MTMR7: variants seen among roughly 807,000 people sequenced by gnomAD.
MTMR7 encodes the protein myotubularin related protein 7, also known as phosphatidylinositol-3-phosphate phosphatase MTMR7.
In MTMR7, 76 loss-of-function variants were observed where a neutral mutation model predicts 81.2. The ratio of observed to expected loss-of-function variants is 0.94; its 90% CI spans 0.78 to 1.13. The LOEUF (loss-of-function observed/expected upper bound fraction) is 1.13, where lower values mean the gene tolerates loss of function less well. Ranked by LOEUF, MTMR7 falls within the 50% of genes most tolerant of loss-of-function variation. MTMR7 has a pLI of 0.00. For synonymous variants in MTMR7, 372 were observed against 289.8 expected, an observed-to-expected ratio of 1.28 and a Z score of -2.88; for missense variants, 1,044 against 820.0, an observed-to-expected ratio of 1.27 and a Z score of -3.34.
At chr8:17,380,369 A>G (rs1820722044) in intron 1 of MTMR7, among the ~76,000 whole-genome samples, 1 of 152,204 alleles carries the variant, frequency 6.6e-6, no homozygotes, top group African/African-American at 2.4e-5. Flanking sequence ...CCCCTGAATT[A>G]TAGGTTCTTG....
chr8:17,366,252 T>A (rs992103001), intron 3 of MTMR7, among the ~76,000 whole-genome samples: 3 of 151,944 alleles, frequency 2.0e-5, no homozygotes, highest in African/African-American at 7.3e-5. Context: ...AACAAAACAT[T>A]AGGGAAGGAA....
chr8:17,410,492 G>C (rs1022474544), intron 1 of MTMR7, among the ~76,000 whole-genome samples: 1 of 152,190 alleles, frequency 6.6e-6, no homozygotes, highest in African/African-American at 2.4e-5. Context: ...AACCCAGACA[G>C]TGAAGTAGAA....
At chr8:17,353,463 G>T (rs1003438910) in intron 4 of MTMR7, among the ~76,000 whole-genome samples, 5 of 152,118 alleles carry the variant, frequency 3.3e-5, no homozygotes, top group African/African-American at 7.2e-5. Flanking sequence ...AATGAAAAAA[G>T]AAAAGGGAAA....
At chr8:17,315,321 G>T (rs9644665) in intron 7 of MTMR7, among the ~76,000 whole-genome samples, 3 of 152,008 alleles carry the variant, frequency 2.0e-5, no homozygotes, top group African/African-American at 7.2e-5. Flanking sequence ...AAAAATCAGC[G>T]GCTGCCAGGG....
At chr8:17,401,649 T>C (rs550163973) in intron 1 of MTMR7, among the ~76,000 whole-genome samples, 1 of 152,052 alleles carries the variant, frequency 6.6e-6, no homozygotes, top group African/African-American at 2.4e-5. Context: ...CTGGATATAT[T>C]TTAAAAGTAG....
rs895239553 is a variant in MTMR7, at chr8:17,413,341, T to C, written c.-49A>G. 3.6e-5 allele frequency: 54 copies of C among 1,501,552 alleles called. No homozygotes were observed. The highest frequency in any genetic ancestry group is 4.7e-5 in the Non-Finnish European group (53 of 1,125,454). The allele number at this position is 1,501,552 out of a possible 1,614,324, so 93.0% of individuals were successfully genotyped here. ...CCGGGCGGGCGCGGCCTCACGCACC[T>C]GCGCGCCTCTGCGGCGCGATGGGAG... On this transcript the variant is annotated 5_prime_UTR_variant, in exon 1 of 14. Coordinates refer to ENST00000180173, the MANE Select transcript of MTMR7 (RefSeq NM_004686.5).
In MTMR7 at chr8:17,304,508, C is replaced by A; in HGVS notation, c.1364G>T (p.Arg455Ile). 6.2e-7 allele frequency: 1 copy of A among 1,613,284 alleles called. No individual in the cohort carries two copies. Among genetic ancestry groups the A allele is most frequent in the African/African-American group, 1.3e-5 (1 of 75,000 alleles). ...CAGGTGAGCCCATAATGAGTATGTT[C>A]TTTCTTGAATCCTGTTATAAAGAAA... ...KERRELKIQE[R>I]TYSLWAHLWK... The change falls in exon 12 of 14, where the codon AGA becomes ATA. Residue 455 changes from arginine (R) to isoleucine (I), a missense_variant. By Grantham distance (97) the Arg-to-Ile change is moderately conservative. Transcript: ENST00000180173.
At chr8:17,304,584 T>C in intron 11 of MTMR7, 65 bp from the exon 12 acceptor site, 2 of 1,517,194 alleles carry the variant, frequency 1.3e-6, no homozygotes, top group African/African-American at 1.4e-5. Context: ...AGATATGTTA[T>C]ATTAATGCTG....
At chr8:17,396,711 C>T (rs1025055788) in intron 1 of MTMR7, among the ~76,000 whole-genome samples, 1 of 152,010 alleles carries the variant, frequency 6.6e-6, no homozygotes. Flanking sequence ...AGTCAGCGGA[C>T]TGGGGTAGCG....
intron 1 of MTMR7, among the ~76,000 whole-genome samples, chr8:17,400,836 C>G (rs1821405208): frequency 6.6e-6 from 1 of 152,016 alleles, no homozygotes; most frequent in Admixed American, 6.6e-5. Context: ...TTAAGTTTTC[C>G]AAGTAAGAAT....
chr8:17,364,893 C>T (rs1158465830), intron 3 of MTMR7, among the ~76,000 whole-genome samples: 1 of 152,248 alleles, frequency 6.6e-6, no homozygotes, highest in Non-Finnish European at 1.5e-5. Context: ...GCAGACGTTT[C>T]TTTAACTTAC....
chr8:17,300,188 T>C lies in MTMR7; in HGVS notation c.1657A>G (p.Thr553Ala), dbSNP rs752956696. The C allele has an allele frequency of 7.4e-6, 12 of 1,613,462 alleles. No individual in the cohort carries two copies. The highest frequency in any genetic ancestry group is 9.3e-6 in the Non-Finnish European group (11 of 1,179,586). ...TCACTTTGCTTACTCTTCACCTTAG[T>C]GCAATTTAACTGGACCTTTTGAATT... ...EKIQKVQLNC[T>A]KVKSKQSEPS... is the part of the protein sequence containing the mutation. The change falls in exon 14 of 14, where the codon ACT becomes GCT. Residue 553 changes from threonine to alanine, a missense_variant. Transcript: ENST00000180173.
chr8:17,331,666 C>G (rs1819010279), intron 6 of MTMR7, among the ~76,000 whole-genome samples: 1 of 152,186 alleles, frequency 6.6e-6, no homozygotes, highest in African/African-American at 2.4e-5. Flanking sequence ...TCAGCAGAAA[C>G]AGCTGTCAAA....
At position 17,371,925 on chromosome 8, in the gene MTMR7, T is replaced by C. The variant is rs78078283; in HGVS notation, c.148-726A>G. ...CTCATAATTATTTTGAAATATACAT[T>C]ACTATTGAGTATGGTCACCTTGCTG... On this transcript the variant is annotated intron_variant, in intron 2 of 13. Coordinates refer to ENST00000180173, the MANE Select transcript of MTMR7 (RefSeq NM_004686.5). 3.8e-3 allele frequency among the ~76,000 whole-genome samples: 579 copies of C among 150,464 alleles called. 7 individuals carry two copies. The highest frequency in any genetic ancestry group is 0.014 in the African/African-American group (552 of 40,852).
intron 6 of MTMR7, among the ~76,000 whole-genome samples, chr8:17,340,533 A>G (rs1819377190): frequency 6.6e-6 from 1 of 152,216 alleles, no homozygotes; most frequent in South Asian, 2.1e-4. Context: ...CACTTGTTGA[A>G]GTTTTAGAAG....
chr8:17,403,511 A>G (rs1563382278), intron 1 of MTMR7, among the ~76,000 whole-genome samples: 1 of 152,106 alleles, frequency 6.6e-6, no homozygotes. Context: ...CAGGTATGTG[A>G]TTCCTCCAGT....
At chr8:17,344,094 T>G (rs1311900897) in intron 5 of MTMR7, among the ~76,000 whole-genome samples, 1 of 152,158 alleles carries the variant, frequency 6.6e-6, no homozygotes, top group Non-Finnish European at 1.5e-5. Flanking sequence ...TTTTATTTAA[T>G]TAGCCTAATT....
At chr8:17,303,207 T>C (rs1030354815) in intron 12 of MTMR7, among the ~76,000 whole-genome samples, 19 of 152,302 alleles carry the variant, frequency 1.2e-4, no homozygotes, top group African/African-American at 4.6e-4. Context: ...ATGTGTTGAC[T>C]AGCTGTTAAT....
chr8:17,350,355 A>G (rs1819690440), intron 4 of MTMR7, among the ~76,000 whole-genome samples: 2 of 152,246 alleles, frequency 1.3e-5, no homozygotes, highest in African/African-American at 2.4e-5. Context: ...GGGAGGCCTC[A>G]TAAGCATGGC....
Sources: allele counts gnomAD v4.1 joint callset (sites outside exome capture counted in the v4.1 genomes callset), GRCh38; gene constraint gnomAD v4.1.1; transcripts MANE v1.5; gene names NCBI Gene and HGNC (gene_info 2026-07-23, HGNC 2026-07-21).